EXOSC8: variants seen among roughly 807,000 people sequenced by gnomAD.
EXOSC8 encodes the protein exosome complex component RRP43.
A neutral mutation model predicts 39.9 loss-of-function variants in EXOSC8; 37 were observed. The ratio of observed to expected loss-of-function variants is 0.93; its 90% confidence interval spans 0.71 to 1.22. EXOSC8 has a LOEUF of 1.22. EXOSC8 is among the 50% of genes most tolerant of loss of function. The probability of loss-of-function intolerance (pLI) is 0.00; values close to 1 mark genes in which losing one functional copy is unlikely to be tolerated. For missense variants in EXOSC8, 313 were observed against 326.6 expected (o/e 0.96, Z 0.32); for synonymous variants, 93 against 109.5 (o/e 0.85, Z 0.94).
Position 37,008,106 on chromosome 13 carries a change from T to C in EXOSC8, c.537T>C (p.Val179=). The stretch of plus-strand genomic sequence containing the variant: ...ATGAAGAAACTGCTTTAGCAGAAGT[T>C]AATTTAAAGAAGAAAAGTTATTTGA... ...TINEETALAE[V]NLKKKSYLNI... The change falls in exon 9 of 11, where the codon GTT becomes GTC. Residue 179 remains valine, a synonymous_variant. Coordinates refer to ENST00000389704, the MANE Select transcript of EXOSC8 (RefSeq NM_181503.3). 1 of 1,597,688 alleles carries C rather than the reference T, an allele frequency of 6.3e-7. No individual in the cohort carries two copies. Among genetic ancestry groups the C allele is most frequent in the Non-Finnish European group, 8.5e-7 (1 of 1,172,296 alleles).
intron 10 of EXOSC8, 106 bp from the exon 11 acceptor site, chr13:37,009,078 G>T: frequency 1.3e-6 from 1 of 776,528 alleles, no homozygotes; most frequent in South Asian, 1.7e-5. Context: ...ACTGTACCCT[G>T]ATTTACATTA....
chr13:37,002,795 T>C, intron 3 of EXOSC8, 139 bp from the exon 4 acceptor site: 1 of 690,128 alleles, frequency 1.4e-6, no homozygotes, highest in Non-Finnish European at 2.6e-6. Flanking sequence ...TTATTCTAAC[T>C]TGAAATATTC....
Position 37,006,206 on chromosome 13 carries a change from A to AT in EXOSC8, c.390+56dup, listed in dbSNP as rs550139618. 6.7e-3 allele frequency: 8,109 copies of AT among 1,209,292 alleles called. 5 individuals carry two copies. The highest frequency in any genetic ancestry group is 0.014 in the African/African-American group (866 of 64,024). The allele number at this position is 1,209,292 out of a possible 1,614,324, so 74.9% of individuals were successfully genotyped here. A position where few individuals can be genotyped will look rare whatever the true frequency, so the allele number is the denominator to read the frequency against. On this transcript the variant is annotated intron_variant, in intron 7 of 10. Coordinates refer to ENST00000389704, the MANE Select transcript of EXOSC8 (RefSeq NM_181503.3). ...ATAAGTTCTTATTAATTCTGAAGGG[A>AT]TTTTTTTTTTGTGGGGGAAAGTGAA...
At chr13:37,006,236 G>A (rs944264267) in intron 7 of EXOSC8, 76 bp downstream of exon 7, 11 of 976,202 alleles carry the variant, frequency 1.1e-5, no homozygotes, top group Non-Finnish European at 1.6e-5. Context: ...AGTGAACAAG[G>A]AAATTAAAAC....
intron 7 of EXOSC8, among the ~76,000 whole-genome samples, chr13:37,006,493 G>A (rs2059140060): frequency 6.6e-6 from 1 of 151,800 alleles, no homozygotes; most frequent in Non-Finnish European, 1.5e-5. Flanking sequence ...TGTTTATGGT[G>A]AATCCACACA....
chr13:37,001,140 CG>C (rs2059100603), intron 1 of EXOSC8, among the ~76,000 whole-genome samples: 1 of 152,162 alleles, frequency 6.6e-6, no homozygotes, highest in Non-Finnish European at 1.5e-5. Flanking sequence ...CCGGGCGCGG[CG>C]GTTCACGCCT....
At chr13:37,001,041 T>C (rs1466830049) in intron 1 of EXOSC8, among the ~76,000 whole-genome samples, 1 of 151,972 alleles carries the variant, frequency 6.6e-6, no homozygotes, top group African/African-American at 2.4e-5. Flanking sequence ...CTCTGTAGAG[T>C]TCCATACCCG....
intron 5 of EXOSC8, among the ~76,000 whole-genome samples, chr13:37,004,862 T>C (rs1165642873): frequency 6.6e-6 from 1 of 152,162 alleles, no homozygotes. Context: ...ACACCTATAA[T>C]ACCAGGATTT....
chr13:37,007,990 A>G (rs573156756), intron 8 of EXOSC8, 67 bp from the exon 9 acceptor site: 1 of 1,273,422 alleles, frequency 7.9e-7, no homozygotes. Context: ...TGAATTAAAA[A>G]AAAAAAAGCT....
rs528775661 is a variant in EXOSC8, at chr13:37,005,117, G to GA, written c.238+566dup. On this transcript the variant is annotated intron_variant, in intron 5 of 10. Coordinates refer to ENST00000389704, the MANE Select transcript of EXOSC8 (RefSeq NM_181503.3). Reference sequence around the variant, plus strand: ...GACAGAGTGAAACCCTGTTTCAAAAGAAAAAAAAAATAGAATGGAATTTTT... The same window carrying GA: ...GACAGAGTGAAACCCTGTTTCAAAAGAAAAAAAAAAATAGAATGGAATTTTT... Among the ~76,000 whole-genome samples, 721 of 148,238 alleles carry GA rather than the reference G, an allele frequency of 4.9e-3. 2 individuals are homozygous for GA. The highest frequency in any genetic ancestry group is 7.6e-3 in the Non-Finnish European group (507 of 66,852).
Position 37,000,791 on chromosome 13 carries a change from C to T in EXOSC8, c.-15C>T. On this transcript the variant is annotated 5_prime_UTR_variant, in exon 1 of 11. It adds an upstream start codon to the 5' untranslated region. Transcript: ENST00000389704. ...AGGAGAGGAGCGGCGCAGGCGCAGACGCGCGGGCGGGAAGATGGCGGCTGG... is the reference window on the plus strand; with the variant it reads ...AGGAGAGGAGCGGCGCAGGCGCAGATGCGCGGGCGGGAAGATGGCGGCTGG... 6.3e-7 allele frequency: 1 copy of T among 1,578,712 alleles called. No homozygotes were observed.
rs1055207712 is a variant in EXOSC8, at chr13:37,008,294, A to T, written c.608+117A>T. 27 of 820,074 alleles carry T rather than the reference A, an allele frequency of 3.3e-5. 1 individual carries two copies. The highest frequency in any genetic ancestry group is 4.8e-5 in the Non-Finnish European group (24 of 496,262). 50.8% of individuals were successfully genotyped at this position (820,074 alleles called of 1,614,324 possible). On this transcript the variant is annotated intron_variant, in intron 9 of 10. Coordinates refer to ENST00000389704, the MANE Select transcript of EXOSC8 (RefSeq NM_181503.3). ...GACCCTACATCCTAGTTTTCCCTGG[A>T]CACTTGAGTTTCTACTTGTCCCTGC... is the stretch of plus-strand genomic sequence containing the variant.
rs1408689198 is a variant in EXOSC8, at chr13:37,008,791, T to C, written c.671T>C (p.Ile224Thr). 3.1e-6 allele frequency: 5 copies of C among 1,613,382 alleles called. No individual in the cohort carries two copies. In the African/African-American group the frequency reaches 4.0e-5, roughly 13 times the overall value. ...CATCTGGCAACAGGAACCTTAACAA[T>C]AGTAATGGATGAGGAAGGCAAACTC... ...EEHLATGTLT[I>T]VMDEEGKLCC... The change falls in exon 10 of 11, where the codon ATA (isoleucine) becomes ACA (threonine). Residue 224 changes from isoleucine to threonine, a missense_variant. By Grantham distance (89) the Ile-to-Thr change is moderately conservative (BLOSUM62 -1). Transcript: ENST00000389704.
In EXOSC8 at chr13:37,004,484, T is replaced by C. The variant is rs375138902; in HGVS notation, c.193-32T>C. The C allele has an allele frequency of 1.9e-6, 3 of 1,542,108 alleles. No homozygotes were observed. In the African/African-American group the frequency reaches 4.1e-5, roughly 21 times the overall value. On this transcript the variant is annotated intron_variant, in intron 4 of 10. Coordinates refer to ENST00000389704, the MANE Select transcript of EXOSC8 (RefSeq NM_181503.3). ...GTCTTCATAATTTTTCAGTAGCTTC[T>C]TTCAATAGGAAACATTTCTTTGCTA...
In EXOSC8 at chr13:37,002,314, G is replaced by A; in HGVS notation, c.54+5G>A. ...GAGTATTACAGGAGATTTCTGGTGA[G>A]TAAAGGTTATGTACATGTTATGCGT... On this transcript the variant is annotated splice_donor_5th_base_variant and intron_variant, in intron 2 of 10. Coordinates refer to ENST00000389704, the MANE Select transcript of EXOSC8 (RefSeq NM_181503.3). 1.9e-6 allele frequency: 3 copies of A among 1,606,446 alleles called. No homozygotes were observed. Among genetic ancestry groups the A allele is most frequent in the Non-Finnish European group, 2.6e-6 (3 of 1,173,458 alleles).
chr13:37,009,382 C>T lies in EXOSC8; in HGVS notation c.*83C>T, dbSNP rs924299547. 14 of 789,438 alleles carry T rather than the reference C, an allele frequency of 1.8e-5. No individual in the cohort carries two copies. The highest frequency in any genetic ancestry group is 2.7e-5 in the Non-Finnish European group (13 of 480,524). 48.9% of individuals were successfully genotyped at this position (789,438 alleles called of 1,614,324 possible). Reference sequence around the variant, plus strand: ...CAAACGTTTTATACTAAATAAATATCAAACTACATTCTTCTGAAAGATGTT... The same window carrying T: ...CAAACGTTTTATACTAAATAAATATTAAACTACATTCTTCTGAAAGATGTT... On this transcript the variant is annotated 3_prime_UTR_variant, in exon 11 of 11. Coordinates refer to ENST00000389704, the MANE Select transcript of EXOSC8 (RefSeq NM_181503.3).
Position 37,004,543 on chromosome 13 carries a change from C to A in EXOSC8, c.220C>A (p.Pro74Thr). Residue 74 changes from proline to threonine, a missense_variant, in exon 5 of 11, where the codon CCT (proline) becomes ACT (threonine). Pro to Thr is a conservative substitution (Grantham distance 38, BLOSUM62 -1). Transcript: ENST00000389704. ...ATTTGCAGCACCATCAACAGATGCC[C>A]CTGATAAAGGATACGTTGGTAAGTT... ...AEFAAPSTDA[P>T]DKGYVVPNVD... The A allele has an allele frequency of 6.2e-7, 1 of 1,606,424 alleles. No individual in the cohort carries two copies. The highest frequency in any genetic ancestry group is 8.5e-7 in the Non-Finnish European group (1 of 1,173,976).
rs970475975 is a variant in EXOSC8 at position 37,009,485 on chromosome 13, C to A, written c.*186C>A. 9 of 841,050 alleles carry A rather than the reference C, an allele frequency of 1.1e-5. No homozygotes were observed. The highest frequency in any genetic ancestry group is 1.7e-5 in the African/African-American group (1 of 58,000). 52.1% of individuals were successfully genotyped at this position (841,050 alleles called of 1,614,324 possible). On this transcript the variant is annotated 3_prime_UTR_variant, in exon 11 of 11. Transcript: ENST00000389704. ...TTAAAAAGCAATGACTTAGGCAAAC[C>A]AACCCTAGTTTGTTAAACCATTTCC...
chr13:37,004,709 C>A, intron 5 of EXOSC8, 148 bp downstream of exon 5: 1 of 572,374 alleles, frequency 1.7e-6, no homozygotes, highest in Non-Finnish European at 3.1e-6. Context: ...AAAAGTTTTC[C>A]GTGTGTTAGT....
Sources: gnomAD v4.1 joint callset for allele counts (sites outside exome capture counted in the v4.1 genomes callset) on GRCh38, gnomAD v4.1.1 for gene constraint, MANE v1.5 for transcripts, NCBI Gene and HGNC (gene_info 2026-07-23, HGNC 2026-07-21) for gene names.